PITPNC1: variants seen among roughly 807,000 people sequenced by gnomAD.
The protein encoded by PITPNC1 is cytoplasmic phosphatidylinositol transfer protein 1.
In PITPNC1, 18 loss-of-function variants were observed where a neutral mutation model predicts 44.7. The observed-to-expected ratio is 0.40, with a 90% CI of 0.28 to 0.60. The LOEUF (loss-of-function observed/expected upper bound fraction) is 0.60, where lower values mean the gene tolerates loss of function less well. Ranked by LOEUF, PITPNC1 falls within the 20% of genes least tolerant of loss-of-function variation. The probability of loss-of-function intolerance (pLI) is 0.39; values close to 1 mark genes in which losing one functional copy is unlikely to be tolerated. For missense variants in PITPNC1, 290 were observed against 418.4 expected (o/e 0.69, Z 2.68); for synonymous variants, 141 against 149.6 (o/e 0.94, Z 0.42).
At chr17:67,606,788 A>C (rs1295921058) in intron 5 of PITPNC1, among the ~76,000 whole-genome samples, 1 of 151,904 alleles carries the variant, frequency 6.6e-6, no homozygotes, top group East Asian at 1.9e-4. Context: ...CCTTTTTATT[A>C]AAAAATAATA....
rs576237590 is a variant in PITPNC1, at chr17:67,472,806, G to C, written c.49-59996G>C. On this transcript the variant is annotated intron_variant, in intron 1 of 8. Coordinates refer to ENST00000581322, the MANE Select transcript of PITPNC1 (RefSeq NM_012417.4). ...TGAGTCACTCAGGGGAGGGAGATTA[G>C]GCCCTGCCTCCTACAGGGAGGGGTT... 2.0e-5 allele frequency among the ~76,000 whole-genome samples: 3 copies of C among 152,112 alleles called. No individual in the cohort carries two copies. In the South Asian group the frequency reaches 6.2e-4, roughly 32 times the overall value.
intron 8 of PITPNC1, among the ~76,000 whole-genome samples, chr17:67,687,969 C>G (rs1282411461): frequency 6.6e-6 from 1 of 150,914 alleles, no homozygotes; most frequent in African/African-American, 2.4e-5. Context: ...GAGCTGTGAT[C>G]TCTTTGGGTT....
chr17:67,501,574 G>A (rs912338596), intron 1 of PITPNC1, among the ~76,000 whole-genome samples: 2 of 152,186 alleles, frequency 1.3e-5, no homozygotes, highest in Non-Finnish European at 2.9e-5. Flanking sequence ...GCTCACGCCT[G>A]TAATTCCAGC....
intron 1 of PITPNC1, among the ~76,000 whole-genome samples, chr17:67,494,415 GTCTTGAAC>G (rs896035125): frequency 1.3e-5 from 2 of 151,808 alleles, no homozygotes; most frequent in African/African-American, 4.8e-5. Context: ...GGCCAGGCTG[GTCTTGAAC>G]TCCTGTCCTC....
At chr17:67,655,324 C>G (rs904222383) in intron 6 of PITPNC1, among the ~76,000 whole-genome samples, 19 of 151,774 alleles carry the variant, frequency 1.3e-4, no homozygotes, top group Non-Finnish European at 2.4e-4. Flanking sequence ...TTTGGGAGGC[C>G]AAGATGAGCG....
At chr17:67,423,143 C>T (rs1401539085) in intron 1 of PITPNC1, among the ~76,000 whole-genome samples, 2 of 152,150 alleles carry the variant, frequency 1.3e-5, no homozygotes, top group Non-Finnish European at 2.9e-5. Context: ...GTCAGCACGT[C>T]TGCGTTATTA....
rs557098295 is a variant in PITPNC1, at chr17:67,663,023, A to G, written c.463-6485A>G. 5.9e-5 allele frequency among the ~76,000 whole-genome samples: 9 copies of G among 152,084 alleles called. No individual in the cohort carries two copies. The East Asian group carries it at 1.7e-3, about 29-fold the overall frequency. On this transcript the variant is annotated intron_variant, in intron 6 of 8. Transcript: ENST00000581322. ...GAGTGCATGTCTTTTTGGTAGAATG[A>G]TTTCTTTTCTTTGGGCATATACCCA...
intron 4 of PITPNC1, among the ~76,000 whole-genome samples, chr17:67,565,676 A>G (rs373239095): frequency 2.7e-5 from 4 of 146,580 alleles, no homozygotes; most frequent in East Asian, 4.2e-4. Flanking sequence ...TTCAGTGTGT[A>G]TACTAGTTTT....
At chr17:67,461,659 G>T (rs1285770968) in intron 1 of PITPNC1, among the ~76,000 whole-genome samples, 1 of 152,134 alleles carries the variant, frequency 6.6e-6, no homozygotes, top group African/African-American at 2.4e-5. Flanking sequence ...GGGTGTGGTG[G>T]CTCACACCTG....
At chr17:67,640,949 C>T (rs114487227) in intron 6 of PITPNC1, among the ~76,000 whole-genome samples, 11,983 of 151,996 alleles carry the variant, frequency 0.079, 661 homozygotes, top group Admixed American at 0.18. Context: ...GAGATCACAC[C>T]ATTGCAGTCC....
At chr17:67,464,350 C>T (rs1243252788) in intron 1 of PITPNC1, among the ~76,000 whole-genome samples, 1 of 152,124 alleles carries the variant, frequency 6.6e-6, no homozygotes, top group Non-Finnish European at 1.5e-5. Flanking sequence ...AATAGTTATT[C>T]ATAAAGACAT....
At chr17:67,386,621 G>C (rs923457093) in intron 1 of PITPNC1, among the ~76,000 whole-genome samples, 1 of 152,208 alleles carries the variant, frequency 6.6e-6, no homozygotes. Flanking sequence ...GAAAGTGTAT[G>C]CACAAAGGCA....
At chr17:67,585,901 C>A (rs2041309491) in intron 5 of PITPNC1, among the ~76,000 whole-genome samples, 1 of 152,200 alleles carries the variant, frequency 6.6e-6, no homozygotes, top group Non-Finnish European at 1.5e-5. Context: ...AAGAAATCAA[C>A]CCTGCAGGCA....
At chr17:67,625,590 A>C (rs2041885967) in intron 5 of PITPNC1, among the ~76,000 whole-genome samples, 1 of 152,140 alleles carries the variant, frequency 6.6e-6, no homozygotes, top group African/African-American at 2.4e-5. Flanking sequence ...GTGTGACGAT[A>C]AGAACATTTC....
intron 1 of PITPNC1, among the ~76,000 whole-genome samples, chr17:67,452,712 C>T (rs777311749): frequency 1.3e-5 from 2 of 152,022 alleles, no homozygotes; most frequent in South Asian, 2.1e-4. Flanking sequence ...AGGATGGTCA[C>T]GAACTCCTCA....
intron 5 of PITPNC1, among the ~76,000 whole-genome samples, chr17:67,582,809 C>T (rs1051174999): frequency 1.3e-5 from 2 of 152,150 alleles, no homozygotes; most frequent in African/African-American, 2.4e-5. Context: ...GGTAAGGTTC[C>T]GTTGTTTATC....
At chr17:67,383,342 G>C (rs1288976120) in intron 1 of PITPNC1, among the ~76,000 whole-genome samples, 2 of 152,116 alleles carry the variant, frequency 1.3e-5, no homozygotes, top group African/African-American at 4.8e-5. Flanking sequence ...CTGATTTAAG[G>C]CTCAAGGCTG....
rs555156264 is a variant in PITPNC1, at chr17:67,660,511, T to G, written c.463-8997T>G. ...TTCATGTATCATATATATTTTATTT[T>G]ATTTTATTTTATTTATTTATTTATT... On this transcript the variant is annotated intron_variant, in intron 6 of 8. Coordinates refer to ENST00000581322, the MANE Select transcript of PITPNC1 (RefSeq NM_012417.4). Among the ~76,000 whole-genome samples, 265 of 144,074 alleles carry G rather than the reference T, an allele frequency of 1.8e-3. 1 individual carries two copies. The highest frequency in any genetic ancestry group is 7.1e-3 in the African/African-American group (260 of 36,370). The allele number at this position is 144,074 out of a possible 152,430, so 94.5% of individuals were successfully genotyped here. A position where few individuals can be genotyped will look rare whatever the true frequency, so the allele number is the denominator to read the frequency against.
At chr17:67,654,796 C>T (rs1316079438) in intron 6 of PITPNC1, among the ~76,000 whole-genome samples, 1 of 152,138 alleles carries the variant, frequency 6.6e-6, no homozygotes, top group Admixed American at 6.5e-5. Flanking sequence ...CCACGCCCAA[C>T]TAGTTTTTTT....
Sources: allele counts gnomAD v4.1 joint callset (sites outside exome capture counted in the v4.1 genomes callset), GRCh38; gene constraint gnomAD v4.1.1; transcripts MANE v1.5; gene names NCBI Gene and HGNC (gene_info 2026-07-23, HGNC 2026-07-21).